Variants in TMEM232 observed in about 807,000 individuals in gnomAD.
TMEM232 encodes the protein transmembrane protein 232.
Under a neutral mutation model 78.8 loss-of-function variants are expected in TMEM232, and 80 were observed. The observed-to-expected ratio is 1.01, with a 90% CI of 0.85 to 1.22. The LOEUF is 1.22. Ranked by LOEUF, TMEM232 falls within the 50% of genes most tolerant of loss-of-function variation. The probability of loss-of-function intolerance (pLI) is 0.00; values close to 1 mark genes in which losing one functional copy is unlikely to be tolerated. For missense variants in TMEM232, 881 were observed against 742.2 expected (o/e 1.19, Z -2.17); for synonymous variants, 297 against 254.3 (o/e 1.17, Z -1.60).
At chr5:110,724,621 G>T (rs951515149) in intron 1 of TMEM232, among the ~76,000 whole-genome samples, 1 of 152,122 alleles carries the variant, frequency 6.6e-6, no homozygotes, top group Admixed American at 6.6e-5. Context: ...CATGAGATTA[G>T]GTTCTCATCA....
intron 2 of TMEM232, among the ~76,000 whole-genome samples, chr5:110,406,303 C>T (rs1280944232): frequency 6.9e-6 from 1 of 145,750 alleles, no homozygotes; most frequent in African/African-American, 2.7e-5. Flanking sequence ...CACACACACA[C>T]ACATATGTGT....
Position 110,568,583 on chromosome 5 carries a change from T to C in TMEM232, c.1319A>G (p.Asn440Ser). 6.5e-7 allele frequency: 1 copy of C among 1,549,398 alleles called. No individual in the cohort carries two copies. The highest frequency in any genetic ancestry group is 8.7e-7 in the Non-Finnish European group (1 of 1,145,698). ...AAGTTCCCATGAAATTTTCACCAGG[T>C]TATACACTAAGCCATAGTAACCAGT... ...VWTGYYGLVY[N>S]LVKISWELQG... is the part of the protein sequence containing the mutation. Residue 440 changes from asparagine (N) to serine (S), a missense_variant, in exon 11 of 14, where the codon AAC becomes AGC. Physicochemically the swap from Asn to Ser is conservative, Grantham distance 46 (BLOSUM62 1). Coordinates refer to ENST00000455884, the MANE Select transcript of TMEM232 (RefSeq NM_001039763.4).
intron 2 of TMEM232, among the ~76,000 whole-genome samples, chr5:110,665,271 G>A (rs1790403723): frequency 6.6e-6 from 1 of 152,104 alleles, no homozygotes; most frequent in Admixed American, 6.6e-5. Context: ...ACATTGAACA[G>A]AAATTAATAT....
chr5:110,724,633 T>A (rs1797978060), intron 1 of TMEM232, among the ~76,000 whole-genome samples: 1 of 152,206 alleles, frequency 6.6e-6, no homozygotes, highest in Non-Finnish European at 1.5e-5. Context: ...TTCTCATCAT[T>A]TTTCTGGTGG....
intron 12 of TMEM232, among the ~76,000 whole-genome samples, chr5:110,428,946 A>G (rs913491385): frequency 6.6e-6 from 1 of 151,874 alleles, no homozygotes; most frequent in African/African-American, 2.4e-5. Context: ...GAAAATAAAT[A>G]ACTCATTTCA....
At chr5:110,428,187 A>T (rs1418921995) in intron 12 of TMEM232, among the ~76,000 whole-genome samples, 1 of 151,620 alleles carries the variant, frequency 6.6e-6, no homozygotes, top group African/African-American at 2.4e-5. Context: ...TATGTCCATG[A>T]GTTCAATTGT....
At chr5:110,603,419 C>T (rs993085340) in intron 10 of TMEM232, among the ~76,000 whole-genome samples, 3 of 152,000 alleles carry the variant, frequency 2.0e-5, no homozygotes, top group Admixed American at 6.6e-5. Context: ...GGGGTCATGA[C>T]CAAAGGGAGG....
intron 5 of TMEM232, among the ~76,000 whole-genome samples, chr5:110,632,542 C>T (rs944166196): frequency 2.0e-5 from 3 of 151,924 alleles, no homozygotes; most frequent in Non-Finnish European, 2.9e-5. Context: ...AGAAATTTAT[C>T]AGAGATACGT....
intron 11 of TMEM232, among the ~76,000 whole-genome samples, chr5:110,535,133 C>A (rs772040524): frequency 2.0e-5 from 3 of 152,086 alleles, no homozygotes; most frequent in Non-Finnish European, 2.9e-5. Flanking sequence ...GGCCTCTGAG[C>A]CCAAGCTAAG....
upstream of TMEM232, among the ~76,000 whole-genome samples, chr5:110,738,460 C>T (rs569951542): frequency 1.6e-4 from 25 of 152,222 alleles, no homozygotes; most frequent in Non-Finnish European, 3.2e-4. Context: ...GTTTCTTTCA[C>T]CCCCGACGTG....
In TMEM232 at chr5:110,638,307, T is replaced by C; in HGVS notation, c.392A>G (p.Tyr131Cys). Reference protein sequence around the residue: ...YASLDHASFDYDHLPALFFVA... With the variant: ...YASLDHASFDCDHLPALFFVA... ...AAAAAATAAGGCAGGCAGATGATCA[T>C]AATCAAAGGAAGCATGGTCCAGAGA... The change falls in exon 5 of 14, where the codon TAT (tyrosine) becomes TGT (cysteine). Residue 131 changes from tyrosine (Y) to cysteine (C), a missense_variant. Physicochemically the swap from Tyr to Cys is radical, Grantham distance 194 (BLOSUM62 -2). Transcript: ENST00000455884. 6.4e-7 allele frequency: 1 copy of C among 1,551,002 alleles called. No homozygotes were observed. The highest frequency in any genetic ancestry group is 2.4e-5 in the East Asian group (1 of 40,832).
At chr5:110,509,242 C>A (rs1408507614) in intron 12 of TMEM232, among the ~76,000 whole-genome samples, 1 of 151,332 alleles carries the variant, frequency 6.6e-6, no homozygotes, top group Non-Finnish European at 1.5e-5. Context: ...TCAGCCAGGG[C>A]AACACAGCAA....
chr5:110,567,894 C>T (rs1317702435), intron 11 of TMEM232, among the ~76,000 whole-genome samples: 7 of 151,890 alleles, frequency 4.6e-5, no homozygotes, highest in Non-Finnish European at 1.5e-5. Flanking sequence ...CATAAAAATG[C>T]CCCTTGCCCC....
chr5:110,565,003 C>G (rs1776177644), intron 11 of TMEM232, among the ~76,000 whole-genome samples: 2 of 152,054 alleles, frequency 1.3e-5, no homozygotes, highest in Admixed American at 1.3e-4. Flanking sequence ...AAGAAACCAA[C>G]ACAATAAAAT....
chr5:110,574,012 A>G (rs1286898156), intron 10 of TMEM232, among the ~76,000 whole-genome samples: 1 of 152,032 alleles, frequency 6.6e-6, no homozygotes, highest in African/African-American at 2.4e-5. Flanking sequence ...TATTCTTAGT[A>G]TAACAAATAA....
At chr5:110,493,015 G>A (rs1019128466) in intron 12 of TMEM232, among the ~76,000 whole-genome samples, 4 of 151,722 alleles carry the variant, frequency 2.6e-5, no homozygotes, top group African/African-American at 9.7e-5. Context: ...TAGAAAAGGG[G>A]ATAAATTATA....
rs1779921638 is a variant in TMEM232, at chr5:110,594,572, G to A, written c.1276+10537C>T. Among the ~76,000 whole-genome samples the A allele has an allele frequency of 2.0e-5, 3 of 152,176 alleles. No individual in the cohort carries two copies. The South Asian group carries it at 6.2e-4, about 31-fold the overall frequency. ...GAACTACTGTCTTGAAATTCTTGCT[G>A]CCAGCACAGCAGTCTGAAGGCAGCC... On this transcript the variant is annotated intron_variant, in intron 10 of 13. Coordinates refer to ENST00000455884, the MANE Select transcript of TMEM232 (RefSeq NM_001039763.4).
At chr5:110,725,586 T>G (rs1453307327) in intron 1 of TMEM232, 3 of 152,196 alleles carry the variant, frequency 2.0e-5, no homozygotes, top group African/African-American at 7.2e-5. Context: ...AATAAAAATC[T>G]GCTACCTTCA....
At chr5:110,618,317 T>C (rs1783199764) in intron 8 of TMEM232, 112 bp downstream of exon 8, 1 of 1,327,076 alleles carries the variant, frequency 7.5e-7, no homozygotes, top group African/African-American at 1.5e-5. Flanking sequence ...AGATTATAAA[T>C]TTGTTTCATA....
Sources: allele counts gnomAD v4.1 joint callset (sites outside exome capture counted in the v4.1 genomes callset), GRCh38; gene constraint gnomAD v4.1.1; transcripts MANE v1.5; gene names NCBI Gene and HGNC (gene_info 2026-07-23, HGNC 2026-07-21).